CDH9: variants seen among roughly 807,000 people sequenced by gnomAD.
The protein encoded by CDH9 is cadherin-9.
CDH9 carries 28 observed loss-of-function variants against 70.9 expected under a neutral mutation model. The ratio of observed to expected loss-of-function variants is 0.40; its 90% CI spans 0.29 to 0.54. CDH9 has a LOEUF of 0.54. CDH9 is among the 20% of genes least tolerant of loss of function. The pLI is 0.59. For missense variants in CDH9, 874 were observed against 984.4 expected, an observed-to-expected ratio of 0.89 and a Z score of 1.50; for synonymous variants, 409 against 343.1, an observed-to-expected ratio of 1.19 and a Z score of -2.12.
At chr5:26,966,479 A>T (rs566299027) in intron 2 of CDH9, among the ~76,000 whole-genome samples, 2 of 152,204 alleles carry the variant, frequency 1.3e-5, no homozygotes, top group South Asian at 4.1e-4. Context: ...TTTGCAAATA[A>T]TAAAAATACT....
chr5:26,991,931 G>A (rs968458583), intron 1 of CDH9, among the ~76,000 whole-genome samples: 6 of 152,028 alleles, frequency 3.9e-5, no homozygotes, highest in African/African-American at 9.7e-5. Context: ...TTAAAAATAG[G>A]GAGCAAAGTG....
intron 2 of CDH9, among the ~76,000 whole-genome samples, chr5:26,959,307 A>G (rs1388812998): frequency 1.3e-5 from 2 of 152,140 alleles, no homozygotes; most frequent in East Asian, 1.9e-4. Context: ...AAATTGAGAT[A>G]CCACTCCACA....
chr5:26,930,547 C>A (rs1000024331), intron 2 of CDH9, among the ~76,000 whole-genome samples: 1 of 151,948 alleles, frequency 6.6e-6, no homozygotes, highest in Non-Finnish European at 1.5e-5. Context: ...CAATTCAAAC[C>A]CATGTTGTTC....
At position 26,885,761 on chromosome 5, in the gene CDH9, T is replaced by C; in HGVS notation, c.1735A>G (p.Ser579Gly). The change falls in exon 11 of 12, where the codon AGC (serine) becomes GGC (glycine). Residue 579 changes from serine to glycine, a missense_variant. Ser to Gly is a moderately conservative substitution (Grantham distance 56, BLOSUM62 0). Coordinates refer to ENST00000231021, the MANE Select transcript of CDH9 (RefSeq NM_016279.4). The part of the protein sequence containing the change: ...LIFDNDYPIQ[S>G]STGTLTIRVC... ...CGGATAGTGAGTGTACCAGTGCTGC[T>C]TTGAATTGGATAATCGTTGTCAAAG... 1.2e-6 allele frequency: 2 copies of C among 1,613,934 alleles called. No individual in the cohort carries two copies. The highest frequency in any genetic ancestry group is 1.7e-6 in the Non-Finnish European group (2 of 1,179,956).
intron 1 of CDH9, among the ~76,000 whole-genome samples, chr5:27,016,423 A>G (rs953873678): frequency 1.3e-5 from 2 of 151,874 alleles, no homozygotes; most frequent in African/African-American, 4.8e-5. Context: ...TACATATTAG[A>G]GTATGCCATA....
chr5:26,922,433 C>T (rs908101874), intron 2 of CDH9, among the ~76,000 whole-genome samples: 1 of 151,880 alleles, frequency 6.6e-6, no homozygotes, highest in Non-Finnish European at 1.5e-5. Flanking sequence ...AGTGGCACAA[C>T]ATATTTAAAG....
chr5:26,952,384 G>A (rs1302412592), intron 2 of CDH9, among the ~76,000 whole-genome samples: 1 of 143,290 alleles, frequency 7.0e-6, no homozygotes, highest in Admixed American at 7.1e-5. Context: ...GGAGGCCGAG[G>A]CGGGCAGATC....
Position 26,927,040 on chromosome 5 carries a change from A to T in CDH9, c.229-11116T>A, listed in dbSNP as rs144402526. ...GCAAACTGAATTCAATAACAGATTAAAAAGAATATTTATCATGTCCAAGTG... is the reference window on the plus strand; with the variant it reads ...GCAAACTGAATTCAATAACAGATTATAAAGAATATTTATCATGTCCAAGTG... On this transcript the variant is annotated intron_variant, in intron 2 of 11. Transcript: ENST00000231021. Among the ~76,000 whole-genome samples the T allele has an allele frequency of 1.2e-4, 19 of 152,120 alleles. 1 individual carries two copies. The East Asian group carries it at 3.7e-3, about 29-fold the overall frequency.
chr5:26,972,898 C>G (rs1354845512), intron 2 of CDH9, among the ~76,000 whole-genome samples: 1 of 149,480 alleles, frequency 6.7e-6, no homozygotes, highest in Non-Finnish European at 1.5e-5. Flanking sequence ...AAGTCTCGCT[C>G]TGTCACCCAG....
chr5:26,961,530 T>G (rs1347878175), intron 2 of CDH9, among the ~76,000 whole-genome samples: 2 of 152,144 alleles, frequency 1.3e-5, no homozygotes, highest in Non-Finnish European at 1.5e-5. Flanking sequence ...TATGTCTCAT[T>G]GAATTACAAA....
chr5:26,975,493 G>C (rs189852775), intron 2 of CDH9, among the ~76,000 whole-genome samples: 1 of 152,132 alleles, frequency 6.6e-6, no homozygotes, highest in Non-Finnish European at 1.5e-5. Context: ...TAAACAACAA[G>C]AGAGTTTATT....
At chr5:26,919,850 G>A (rs1741213737) in intron 2 of CDH9, among the ~76,000 whole-genome samples, 1 of 152,082 alleles carries the variant, frequency 6.6e-6, no homozygotes, top group South Asian at 2.1e-4. Context: ...ATCATCTGCT[G>A]ACTAAAGGAG....
chr5:26,900,271 C>T (rs1019461250), intron 7 of CDH9, among the ~76,000 whole-genome samples: 2 of 152,012 alleles, frequency 1.3e-5, no homozygotes, highest in Admixed American at 6.6e-5. Context: ...ATTAAGGAAA[C>T]ATTCTAATTC....
chr5:26,993,282 T>G (rs1317477214), intron 1 of CDH9, among the ~76,000 whole-genome samples: 1 of 152,168 alleles, frequency 6.6e-6, no homozygotes, highest in Admixed American at 6.6e-5. Context: ...GTGTTTATGT[T>G]CCAGTGTTTT....
At chr5:26,893,309 G>A (rs182126031) in intron 7 of CDH9, among the ~76,000 whole-genome samples, 21 of 152,046 alleles carry the variant, frequency 1.4e-4, no homozygotes, top group Middle Eastern at 3.4e-3. Context: ...TGGGCCTTTG[G>A]AAAAAAGTTA....
intron 2 of CDH9, among the ~76,000 whole-genome samples, chr5:26,957,418 T>C (rs937586736): frequency 2.6e-5 from 4 of 152,158 alleles, no homozygotes; most frequent in Admixed American, 2.6e-4. Flanking sequence ...TCGTAGCACT[T>C]TGGGAGGCCA....
intron 2 of CDH9, among the ~76,000 whole-genome samples, chr5:26,984,765 T>C (rs1742461968): frequency 6.6e-6 from 1 of 152,138 alleles, no homozygotes; most frequent in South Asian, 2.1e-4. Flanking sequence ...TTTTTCCTTC[T>C]TGGGGAACAG....
In CDH9 at chr5:26,890,568, G is replaced by A. The variant is rs776986066; in HGVS notation, c.1254-4C>T. 2.5e-6 allele frequency: 4 copies of A among 1,597,662 alleles called. No homozygotes were observed. In the East Asian group the frequency reaches 6.7e-5, roughly 27 times the overall value. On this transcript the variant is annotated splice_polypyrimidine_tract_variant and splice_region_variant and intron_variant, in intron 7 of 11. Transcript: ENST00000231021. ...AGTATGCCGATCAACAGAGTACCTGGCAGAAGACAGACTCATAAATCCAGG... is the reference window on the plus strand; with the variant it reads ...AGTATGCCGATCAACAGAGTACCTGACAGAAGACAGACTCATAAATCCAGG...
intron 2 of CDH9, among the ~76,000 whole-genome samples, chr5:26,952,458 CAAAAAAAAAAAA>C (rs766973787): frequency 4.7e-3 from 47 of 9,962 alleles, no homozygotes; most frequent in African/African-American, 8.2e-3. Context: ...ACTAAAAATA[CAAAAAAAAAAAA>C]AAAAAAAAAA....
Sources: allele counts gnomAD v4.1 joint callset (sites outside exome capture counted in the v4.1 genomes callset), GRCh38; gene constraint gnomAD v4.1.1; transcripts MANE v1.5; gene names NCBI Gene and HGNC (gene_info 2026-07-23, HGNC 2026-07-21).